Variants in JAKMIP2 observed in about 807,000 individuals in gnomAD.
The protein encoded by JAKMIP2 is janus kinase and microtubule interacting protein 2.
In JAKMIP2, 25 loss-of-function variants were observed where a neutral mutation model predicts 115.0. The ratio of observed to expected loss-of-function variants is 0.22; its 90% CI spans 0.16 to 0.30. The LOEUF is 0.30. Among genes scored for constraint, JAKMIP2 ranks in the 10% least tolerant of loss-of-function variants. JAKMIP2 has a pLI of 1.00. For missense variants in JAKMIP2, 642 were observed against 957.6 expected, an observed-to-expected ratio of 0.67 and a Z score of 4.35; for synonymous variants, 334 against 343.6, an observed-to-expected ratio of 0.97 and a Z score of 0.31.
intron 21 of JAKMIP2, among the ~76,000 whole-genome samples, chr5:147,599,183 T>G (rs1755562003): frequency 6.6e-6 from 1 of 152,198 alleles, no homozygotes; most frequent in Admixed American, 6.5e-5. Flanking sequence ...AATCTAATAA[T>G]AGCTAAGAGT....
At chr5:147,594,616 A>G (rs1561836141) in intron 21 of JAKMIP2, 2 of 296,566 alleles carry the variant, frequency 6.7e-6, no homozygotes, top group East Asian at 8.4e-5. Context: ...TTACAGAGCC[A>G]CTGTGCCCAG....
rs576882706 is a variant in JAKMIP2 at position 147,698,989 on chromosome 5, T to G, written c.-148-27035A>C. Among the ~76,000 whole-genome samples, 30 of 152,332 alleles carry G rather than the reference T, an allele frequency of 2.0e-4. No individual in the cohort carries two copies. In the South Asian group the frequency reaches 6.2e-3, roughly 32 times the overall value. ...TGAACCTCATTTATCACAATCTACG[T>G]TATCTAAGATTTGGCCATATAAGAT... On this transcript the variant is annotated intron_variant, in intron 1 of 21. Coordinates refer to ENST00000616793, the MANE Select transcript of JAKMIP2 (RefSeq NM_001270941.2).
rs1419202505 is a variant in JAKMIP2 at position 147,672,497 on chromosome 5, A to G, written c.-148-543T>C. 2.0e-5 allele frequency among the ~76,000 whole-genome samples: 3 copies of G among 152,220 alleles called. 1 individual carries two copies. Among genetic ancestry groups the G allele is most frequent in the Non-Finnish European group, 2.9e-5 (2 of 68,040 alleles). On this transcript the variant is annotated intron_variant, in intron 1 of 21. Transcript: ENST00000616793. ...AGTCAATATTGTTAGAGCTCTTTCC[A>G]TATGCTGTGCTAGGTATAGAATTTG...
At chr5:147,774,082 A>T (rs1398687065) in intron 1 of JAKMIP2, among the ~76,000 whole-genome samples, 2 of 152,208 alleles carry the variant, frequency 1.3e-5, no homozygotes, top group Admixed American at 1.3e-4. Context: ...AATGTTTTCC[A>T]TAATATAGCT....
intron 16 of JAKMIP2, among the ~76,000 whole-genome samples, chr5:147,625,067 G>A (rs188427898): frequency 1.2e-3 from 181 of 152,038 alleles, no homozygotes; most frequent in Non-Finnish European, 1.5e-3. Context: ...TGCAACCTCC[G>A]CCTCCAGGTT....
At chr5:147,634,404 T>C (rs1297845280) in intron 12 of JAKMIP2, among the ~76,000 whole-genome samples, 1 of 152,138 alleles carries the variant, frequency 6.6e-6, no homozygotes. Flanking sequence ...TAGTGAGAAA[T>C]TATGTGACAT....
At chr5:147,691,447 A>G (rs1247870416) in intron 1 of JAKMIP2, among the ~76,000 whole-genome samples, 3 of 152,072 alleles carry the variant, frequency 2.0e-5, no homozygotes, top group Non-Finnish European at 4.4e-5. Context: ...TATTCCAAGT[A>G]GCATTCTTTC....
chr5:147,595,342 G>A (rs1755313741), intron 21 of JAKMIP2: 3 of 422,966 alleles, frequency 7.1e-6, no homozygotes, highest in South Asian at 5.1e-5. Context: ...CAGAATGGAT[G>A]AGGGATTAGT....
intron 16 of JAKMIP2, among the ~76,000 whole-genome samples, chr5:147,628,139 A>G (rs1757189153): frequency 1.3e-5 from 2 of 152,134 alleles, no homozygotes; most frequent in Admixed American, 6.5e-5. Context: ...CTCCTCCCTC[A>G]GCCTCCAAAG....
intron 21 of JAKMIP2, among the ~76,000 whole-genome samples, chr5:147,596,953 C>T (rs535599755): frequency 5.1e-4 from 78 of 152,116 alleles, no homozygotes; most frequent in Non-Finnish European, 9.6e-4. Flanking sequence ...CTCACTGCAG[C>T]CTCTGCCTCC....
intron 1 of JAKMIP2, among the ~76,000 whole-genome samples, chr5:147,696,180 A>C (rs1230638002): frequency 6.6e-6 from 1 of 152,128 alleles, no homozygotes; most frequent in Non-Finnish European, 1.5e-5. Context: ...ATGTTGCAAA[A>C]CTTCAGGAGA....
At chr5:147,754,719 A>T (rs1754684045) in intron 1 of JAKMIP2, among the ~76,000 whole-genome samples, 1 of 152,182 alleles carries the variant, frequency 6.6e-6, no homozygotes, top group African/African-American at 2.4e-5. Flanking sequence ...TCCACTTTTC[A>T]TATTAAGAAA....
At position 147,612,125 on chromosome 5, in the gene JAKMIP2, G is replaced by T. The variant is rs566421646; in HGVS notation, c.2412+181C>A. ...ACAAATATGTGAAGGCTGGGTTACT[G>T]ATGGCAGACGCTTTGCTGGCATTCT... On this transcript the variant is annotated intron_variant, in intron 20 of 21. Transcript: ENST00000616793. 3.1e-4 allele frequency: 225 copies of T among 734,926 alleles called. 1 individual carries two copies. The highest frequency in any genetic ancestry group is 2.4e-3 in the South Asian group (175 of 73,454). 45.5% of individuals were successfully genotyped at this position (734,926 alleles called of 1,614,324 possible). A position where few individuals can be genotyped will look rare whatever the true frequency, so the allele number is the denominator to read the frequency against.
At chr5:147,594,624 C>T in intron 21 of JAKMIP2, 1 of 291,862 alleles carries the variant, frequency 3.4e-6, no homozygotes, top group Admixed American at 3.8e-5. Flanking sequence ...CCACTGTGCC[C>T]AGCTAATGCC....
chr5:147,725,193 C>T (rs1753468972), intron 1 of JAKMIP2, among the ~76,000 whole-genome samples: 1 of 151,990 alleles, frequency 6.6e-6, no homozygotes, highest in Admixed American at 6.6e-5. Context: ...AAGAAGTCAC[C>T]CTATATGGTC....
Position 147,782,726 on chromosome 5 carries a change from C to A in JAKMIP2, c.-419G>T. ...CCTCCCTCTCGGAGGATGGGGTGAGCTCGGAAGCAGCCAGGAACTTGCAGC... is the reference window on the plus strand; with the variant it reads ...CCTCCCTCTCGGAGGATGGGGTGAGATCGGAAGCAGCCAGGAACTTGCAGC... On this transcript the variant is annotated 5_prime_UTR_variant, in exon 1 of 22. Coordinates refer to ENST00000616793, the MANE Select transcript of JAKMIP2 (RefSeq NM_001270941.2). The A allele has an allele frequency of 1.7e-6, 1 of 574,686 alleles. No homozygotes were observed. Among genetic ancestry groups the A allele is most frequent in the Admixed American group, 2.8e-5 (1 of 35,706 alleles). 35.6% of individuals were successfully genotyped at this position (574,686 alleles called of 1,614,324 possible). A position where few individuals can be genotyped will look rare whatever the true frequency, so the allele number is the denominator to read the frequency against.
intron 1 of JAKMIP2, among the ~76,000 whole-genome samples, chr5:147,721,939 C>A (rs1234795640): frequency 6.6e-6 from 1 of 152,106 alleles, no homozygotes; most frequent in Non-Finnish European, 1.5e-5. Flanking sequence ...ACCTTCCTGG[C>A]GATTTCCCAT....
In JAKMIP2 at chr5:147,663,990, G is replaced by A. The variant is rs138924772; in HGVS notation, c.130-2545C>T. Among the ~76,000 whole-genome samples the A allele has an allele frequency of 4.6e-3, 703 of 152,292 alleles. 5 individuals carry two copies. The highest frequency in any genetic ancestry group is 0.016 in the African/African-American group (672 of 41,554). On this transcript the variant is annotated intron_variant, in intron 2 of 21. Coordinates refer to ENST00000616793, the MANE Select transcript of JAKMIP2 (RefSeq NM_001270941.2). ...ACTCTGGATTTCGAAGACTTAGTGC[G>A]AGGTAAAGAATGTAAAATATCTCCT...
At chr5:147,595,131 G>T (rs964205730) in intron 21 of JAKMIP2, among the ~76,000 whole-genome samples, 1 of 152,124 alleles carries the variant, frequency 6.6e-6, no homozygotes, top group African/African-American at 2.4e-5. Flanking sequence ...TAAACTAGTT[G>T]CTTTACCTGT....
Sources: allele counts gnomAD v4.1 joint callset (sites outside exome capture counted in the v4.1 genomes callset), GRCh38; gene constraint gnomAD v4.1.1; transcripts MANE v1.5; gene names NCBI Gene and HGNC (gene_info 2026-07-23, HGNC 2026-07-21).